RAB6A: variants seen among roughly 807,000 people sequenced by gnomAD.
RAB6A encodes ras-related protein Rab-6A.
In RAB6A, 8 loss-of-function variants were observed where a neutral mutation model predicts 32.3. That is an observed-to-expected ratio of 0.25 (90% CI 0.15 to 0.45). The LOEUF is 0.45. Among genes scored for constraint, RAB6A ranks in the 20% least tolerant of loss-of-function variants. The probability of loss-of-function intolerance (pLI) is 1.00; values close to 1 mark genes in which losing one functional copy is unlikely to be tolerated. For synonymous variants in RAB6A, 73 were observed against 82.1 expected (o/e 0.89, Z 0.60); for missense variants, 104 against 249.4 (o/e 0.42, Z 3.93).
At chr11:73,704,577 C>G (rs189682673) in intron 6 of RAB6A, among the ~76,000 whole-genome samples, 3 of 151,526 alleles carry the variant, frequency 2.0e-5, no homozygotes. Flanking sequence ...CCCAGCTACT[C>G]GGGAGGCTGC....
chr11:73,693,727 T>A (rs1183507328), intron 6 of RAB6A, among the ~76,000 whole-genome samples: 1 of 151,888 alleles, frequency 6.6e-6, no homozygotes, highest in Non-Finnish European at 1.5e-5. Flanking sequence ...CTACTAAAAA[T>A]TTAAAAAATC....
At chr11:73,740,331 A>T (rs1946475778) in intron 1 of RAB6A, among the ~76,000 whole-genome samples, 2 of 152,218 alleles carry the variant, frequency 1.3e-5, no homozygotes, top group Admixed American at 6.5e-5. Flanking sequence ...CATCCTGGTA[A>T]CAAAGACAGT....
chr11:73,757,658 T>G (rs148078744), intron 1 of RAB6A, among the ~76,000 whole-genome samples: 167 of 152,336 alleles, frequency 1.1e-3, no homozygotes, highest in Middle Eastern at 3.4e-3. Context: ...CAGTCCTATT[T>G]TTTGAATGAA....
At chr11:73,744,736 G>C (rs1177850658) in intron 1 of RAB6A, among the ~76,000 whole-genome samples, 2 of 152,116 alleles carry the variant, frequency 1.3e-5, no homozygotes, top group Non-Finnish European at 2.9e-5. Context: ...CAACACTTTG[G>C]GAGGCCGAGG....
intron 5 of RAB6A, among the ~76,000 whole-genome samples, chr11:73,712,687 A>G (rs1025795467): frequency 4.1e-5 from 6 of 146,966 alleles, no homozygotes; most frequent in Non-Finnish European, 8.9e-5. Context: ...CTTTTCCATA[A>G]CTTTTCATGC....
chr11:73,747,288 C>A (rs1044031364), intron 1 of RAB6A, among the ~76,000 whole-genome samples: 11 of 151,636 alleles, frequency 7.3e-5, no homozygotes, highest in Non-Finnish European at 1.6e-4. Context: ...TCACTGCAAT[C>A]TCCACCTCCC....
chr11:73,724,478 C>T (rs1946186504), intron 2 of RAB6A, among the ~76,000 whole-genome samples: 1 of 148,110 alleles, frequency 6.8e-6, no homozygotes, highest in South Asian at 2.2e-4. Flanking sequence ...TTCCTAAATG[C>T]ATTTCGTTTT....
At chr11:73,685,284 G>GCCT (rs1945425855) in intron 6 of RAB6A, among the ~76,000 whole-genome samples, 2 of 123,314 alleles carry the variant, frequency 1.6e-5, no homozygotes, top group South Asian at 2.9e-4. Context: ...TATATAGAAA[G>GCCT]TCTTTTTTTT....
At chr11:73,701,103 T>C (rs922766067) in intron 6 of RAB6A, among the ~76,000 whole-genome samples, 7 of 152,250 alleles carry the variant, frequency 4.6e-5, no homozygotes, top group Admixed American at 3.9e-4. Context: ...AATGAGGAAA[T>C]GGGGAAGAGG....
chr11:73,684,021 C>T (rs1331902620), intron 6 of RAB6A, among the ~76,000 whole-genome samples: 1 of 152,238 alleles, frequency 6.6e-6, no homozygotes, highest in Non-Finnish European at 1.5e-5. Context: ...CCTTCAGCAA[C>T]TACTACCCTC....
chr11:73,698,169 C>A (rs992401428), intron 6 of RAB6A, among the ~76,000 whole-genome samples: 2 of 151,832 alleles, frequency 1.3e-5, no homozygotes, highest in African/African-American at 4.8e-5. Context: ...TGCAGTGAGC[C>A]GAGATTGTGC....
At chr11:73,740,242 C>T (rs987176116) in intron 1 of RAB6A, among the ~76,000 whole-genome samples, 3 of 152,040 alleles carry the variant, frequency 2.0e-5, no homozygotes, top group African/African-American at 7.2e-5. Context: ...AATTAATCCG[C>T]TATGATAATG....
chr11:73,753,268 C>T (rs75088908), intron 1 of RAB6A, among the ~76,000 whole-genome samples: 2,658 of 152,098 alleles, frequency 0.017, 79 homozygotes, highest in African/African-American at 0.06. Flanking sequence ...GCCAACATGG[C>T]CACTCACTGC....
chr11:73,746,924 G>A (rs191730359), intron 1 of RAB6A, among the ~76,000 whole-genome samples: 6 of 152,212 alleles, frequency 3.9e-5, no homozygotes, highest in African/African-American at 9.6e-5. Flanking sequence ...AGTACACGTA[G>A]TAGGACTGTT....
At chr11:73,694,283 T>G (rs1444055985) in intron 6 of RAB6A, among the ~76,000 whole-genome samples, 3 of 152,212 alleles carry the variant, frequency 2.0e-5, no homozygotes, top group Non-Finnish European at 4.4e-5. Context: ...AATGTTTACG[T>G]ATTTTCTCAT....
intron 1 of RAB6A, chr11:73,760,007 G>A (rs1408477247): frequency 3.9e-6 from 5 of 1,285,596 alleles, no homozygotes; most frequent in South Asian, 1.2e-5. Flanking sequence ...TCCCACCCAG[G>A]TGAAAATCAT....
At chr11:73,752,680 T>C (rs1043033253) in intron 1 of RAB6A, among the ~76,000 whole-genome samples, 3 of 151,706 alleles carry the variant, frequency 2.0e-5, no homozygotes, top group Admixed American at 2.0e-4. Context: ...TAGCCGGCCT[T>C]GGTGGCGCAT....
At chr11:73,758,907 AC>A (rs1387647438) in intron 1 of RAB6A, among the ~76,000 whole-genome samples, 4 of 152,172 alleles carry the variant, frequency 2.6e-5, no homozygotes, top group African/African-American at 9.6e-5. Flanking sequence ...TCACCTAAAG[AC>A]ACAAGTTTAT....
chr11:73,754,956 C>T (rs1225991574), intron 1 of RAB6A, among the ~76,000 whole-genome samples: 1 of 151,800 alleles, frequency 6.6e-6, no homozygotes, highest in Non-Finnish European at 1.5e-5. Context: ...TGGAGTTTTG[C>T]TCGTTGCCCA....
Sources: gnomAD v4.1 joint callset for allele counts (sites outside exome capture counted in the v4.1 genomes callset) on GRCh38, gnomAD v4.1.1 for gene constraint, MANE v1.5 for transcripts, NCBI Gene and HGNC (gene_info 2026-07-23, HGNC 2026-07-21) for gene names.